The following CDK13 variants were observed in gnomAD, a reference collection of about 807,000 sequenced individuals.
CDK13 encodes cyclin-dependent kinase 13.
Under a neutral mutation model 137.6 loss-of-function variants are expected in CDK13, and 40 were observed. The ratio of observed to expected loss-of-function variants is 0.29; its 90% CI spans 0.23 to 0.38. The LOEUF (loss-of-function observed/expected upper bound fraction) is 0.38. Among genes scored for constraint, CDK13 ranks in the 10% least tolerant of loss-of-function variants. CDK13 has a pLI of 1.00. For synonymous variants in CDK13, 869 were observed against 760.1 expected (o/e 1.14, Z -2.36); for missense variants, 1,704 against 1,951.8 (o/e 0.87, Z 2.39).
intron 1 of CDK13, 127 bp downstream of exon 1, chr7:39,951,979 G>A: frequency 9.6e-7 from 1 of 1,043,380 alleles, no homozygotes; most frequent in Non-Finnish European, 1.2e-6. Flanking sequence ...AACACCGCCT[G>A]AGCCTCCCAG....
At chr7:40,087,445 A>G (rs1198947727) in intron 11 of CDK13, among the ~76,000 whole-genome samples, 1 of 152,114 alleles carries the variant, frequency 6.6e-6, no homozygotes, top group Non-Finnish European at 1.5e-5. Flanking sequence ...GCCTGGCTGG[A>G]AATGGCATAT....
Position 40,068,714 on chromosome 7 carries a change from A to G in CDK13, c.2780+5614A>G, listed in dbSNP as rs866026855. 5.5e-3 allele frequency among the ~76,000 whole-genome samples: 804 copies of G among 147,516 alleles called. 11 individuals are homozygous for G. Among genetic ancestry groups the G allele is most frequent in the African/African-American group, 0.019 (738 of 38,904 alleles). The stretch of plus-strand genomic sequence containing the variant: ...GAGTGAGACTATGTCTCAGAAAAAA[A>G]AAAAAAAAAAAAAAAAAGGAAACAG... On this transcript the variant is annotated intron_variant, in intron 9 of 13. Transcript: ENST00000181839.
intron 9 of CDK13, chr7:40,073,792 A>C (rs1015351031): frequency 2.0e-5 from 3 of 151,530 alleles, no homozygotes; most frequent in African/African-American, 7.3e-5. Flanking sequence ...GGGTTTCACC[A>C]TGTTGGCCAG....
intron 11 of CDK13, among the ~76,000 whole-genome samples, chr7:40,087,784 G>C (rs770228989): frequency 1.3e-5 from 2 of 152,064 alleles, no homozygotes; most frequent in Non-Finnish European, 2.9e-5. Flanking sequence ...CCTGACCTCA[G>C]ATGATCCACC....
chr7:40,084,281 C>G (rs1166901291), intron 11 of CDK13, among the ~76,000 whole-genome samples: 1 of 152,136 alleles, frequency 6.6e-6, no homozygotes, highest in Non-Finnish European at 1.5e-5. Flanking sequence ...GAGATTGATA[C>G]CATCCTGGCC....
chr7:39,988,334 C>G (rs923142592), intron 2 of CDK13, 76 bp downstream of exon 2: 5 of 1,115,162 alleles, frequency 4.5e-6, no homozygotes, highest in Non-Finnish European at 6.4e-6. Context: ...AGTTGACCTC[C>G]CCTAACCCCC....
In CDK13 at chr7:39,987,770, A is replaced by G; in HGVS notation, c.1383A>G (p.Ala461=). 1 of 1,614,156 alleles carries G rather than the reference A, an allele frequency of 6.2e-7. No individual in the cohort carries two copies. Among genetic ancestry groups the G allele is most frequent in the South Asian group, 1.1e-5 (1 of 91,084 alleles). ...TGAACAAGAATAAAAAAGCACGAGC[A>G]GCAGAGGCAGCAAGAGCCGCAGAAG... ...AELNKNKKAR[A]AEAARAAEAA... The change falls in exon 2 of 14, where the codon GCA becomes GCG. Residue 461 remains alanine, a synonymous_variant. Transcript: ENST00000181839.
intron 11 of CDK13, among the ~76,000 whole-genome samples, chr7:40,080,895 T>G (rs1786649748): frequency 6.6e-6 from 1 of 152,198 alleles, no homozygotes; most frequent in Non-Finnish European, 1.5e-5. Flanking sequence ...AGGACTTTAT[T>G]CTACATGCAT....
chr7:39,976,323 T>TCTCTCTCTCACACACACACACACACACA, intron 1 of CDK13, among the ~76,000 whole-genome samples: 9 of 39,574 alleles, frequency 2.3e-4, no homozygotes, highest in Admixed American at 6.4e-4. Flanking sequence ...TCTCTCTCTC[T>TCTCTCTCTCACACACACACACACACACA]CACACACACA....
rs1787102118 is a variant in CDK13, at chr7:40,099,557, A to G, written c.*4577A>G. On this transcript the variant is annotated 3_prime_UTR_variant, in exon 14 of 14. Transcript: ENST00000181839. Reference sequence around the variant, plus strand: ...TTTAAGGCCGTATTCAATAGTCTGTAAATAAATTGCCGTAACACTCCCAGG... The same window carrying G: ...TTTAAGGCCGTATTCAATAGTCTGTGAATAAATTGCCGTAACACTCCCAGG... 6.6e-6 allele frequency: 1 copy of G among 152,176 alleles called. No homozygotes were observed. Among genetic ancestry groups the G allele is most frequent in the African/African-American group, 2.4e-5 (1 of 41,442 alleles). 9.4% of individuals were successfully genotyped at this position (152,176 alleles called of 1,614,324 possible).
chr7:39,975,201 C>T (rs933374868), intron 1 of CDK13, among the ~76,000 whole-genome samples: 2 of 152,008 alleles, frequency 1.3e-5, no homozygotes, highest in Non-Finnish European at 2.9e-5. Flanking sequence ...GTCACTTGAA[C>T]CCAAGAGTTT....
At chr7:40,040,239 C>G (rs1475669865) in intron 5 of CDK13, among the ~76,000 whole-genome samples, 1 of 152,108 alleles carries the variant, frequency 6.6e-6, no homozygotes, top group East Asian at 1.9e-4. Flanking sequence ...GAGAGACAGA[C>G]AAGTTTTATC....
intron 1 of CDK13, among the ~76,000 whole-genome samples, chr7:39,979,155 A>G (rs2116225254): frequency 6.6e-6 from 1 of 152,106 alleles, no homozygotes; most frequent in South Asian, 2.1e-4. Context: ...AATGGAGCAG[A>G]CACAGACTAG....
At chr7:39,992,947 T>G (rs374948726) in intron 2 of CDK13, among the ~76,000 whole-genome samples, 1 of 152,204 alleles carries the variant, frequency 6.6e-6, no homozygotes, top group Non-Finnish European at 1.5e-5. Context: ...ACTCTACTAG[T>G]AGTGATGTGA....
chr7:40,003,765 A>G (rs914187879), intron 5 of CDK13, among the ~76,000 whole-genome samples: 2 of 152,040 alleles, frequency 1.3e-5, no homozygotes, highest in African/African-American at 4.8e-5. Context: ...CATCTATGCC[A>G]TTTTGATTGC....
intron 5 of CDK13, among the ~76,000 whole-genome samples, chr7:40,039,313 T>C (rs564756126): frequency 2.6e-5 from 4 of 152,080 alleles, no homozygotes; most frequent in Non-Finnish European, 4.4e-5. Flanking sequence ...CAGGCTGGAG[T>C]GCAGGAGTGC....
At chr7:39,970,997 A>G (rs1783985690) in intron 1 of CDK13, among the ~76,000 whole-genome samples, 1 of 152,144 alleles carries the variant, frequency 6.6e-6, no homozygotes, top group South Asian at 2.1e-4. Context: ...CTCCATTTTG[A>G]AAGATTGTTT....
At chr7:39,982,886 G>GT (rs1200004021) in intron 1 of CDK13, among the ~76,000 whole-genome samples, 1 of 152,076 alleles carries the variant, frequency 6.6e-6, no homozygotes, top group Non-Finnish European at 1.5e-5. Context: ...TTGTAAATTT[G>GT]TTTGAGTTCA....
intron 5 of CDK13, among the ~76,000 whole-genome samples, chr7:40,039,507 C>T (rs138523616): frequency 0.015 from 2,062 of 140,666 alleles, 16 homozygotes; most frequent in Middle Eastern, 0.07. Context: ...TCTCAGCTCA[C>T]TGCAACCTCC....
Sources: gnomAD v4.1 joint callset for allele counts (sites outside exome capture counted in the v4.1 genomes callset) on GRCh38, gnomAD v4.1.1 for gene constraint, MANE v1.5 for transcripts, NCBI Gene and HGNC (gene_info 2026-07-23, HGNC 2026-07-21) for gene names.